Variants in CTNNA3 observed in about 807,000 individuals in gnomAD.
CTNNA3 encodes the protein catenin alpha-3.
Under a neutral mutation model 95.7 loss-of-function variants are expected in CTNNA3, and 76 were observed. The ratio of observed to expected loss-of-function variants is 0.79; its 90% CI spans 0.66 to 0.96. The LOEUF is 0.96. CTNNA3 is among the 40% of genes least tolerant of loss of function. CTNNA3 has a pLI of 0.00. For synonymous variants in CTNNA3, 431 were observed against 374.4 expected, an observed-to-expected ratio of 1.15 and a Z score of -1.74; for missense variants, 1,191 against 1,089.8, an observed-to-expected ratio of 1.09 and a Z score of -1.31.
intron 5 of CTNNA3, among the ~76,000 whole-genome samples, chr10:67,338,637 T>G (rs545572756): frequency 6.6e-6 from 1 of 152,288 alleles, no homozygotes; most frequent in Non-Finnish European, 1.5e-5. Context: ...TATCTTAAAA[T>G]AGTTGTGCAA....
rs370400175 is a variant in CTNNA3, at chr10:67,555,869, C to T, written c.293-16200G>A. ...GGAATGCTTCCAGTTTTTGCCCATT[C>T]AGTATGATATTGGCTGTGGGTTTTC... is the stretch of plus-strand genomic sequence containing the variant. On this transcript the variant is annotated intron_variant, in intron 3 of 17. Transcript: ENST00000433211. Among the ~76,000 whole-genome samples, 6 of 152,176 alleles carry T rather than the reference C, an allele frequency of 3.9e-5. No individual in the cohort carries two copies. The East Asian group carries it at 1.2e-3, about 29-fold the overall frequency.
At chr10:66,636,516 C>T (rs551305917) in intron 9 of CTNNA3, among the ~76,000 whole-genome samples, 3 of 151,954 alleles carry the variant, frequency 2.0e-5, no homozygotes, top group Non-Finnish European at 4.4e-5. Context: ...TTAGAGCAAA[C>T]CAACATATGA....
intron 5 of CTNNA3, among the ~76,000 whole-genome samples, chr10:67,347,885 A>G (rs1589196363): frequency 6.6e-6 from 1 of 151,700 alleles, no homozygotes; most frequent in African/African-American, 2.4e-5. Context: ...TCTCTTCCAC[A>G]TTCTGTGGCA....
At chr10:66,643,549 T>C (rs1435366198) in intron 9 of CTNNA3, among the ~76,000 whole-genome samples, 1 of 152,196 alleles carries the variant, frequency 6.6e-6, no homozygotes. Flanking sequence ...ACTATTCTGA[T>C]GAAATAGGTA....
At chr10:66,024,103 T>TTTTTTTTTTTTTTTTTTTTTTTTTG (rs2079285832) in intron 15 of CTNNA3, among the ~76,000 whole-genome samples, 1 of 145,202 alleles carries the variant, frequency 6.9e-6, no homozygotes, top group African/African-American at 2.6e-5. Context: ...TTTTTTTTTT[T>TTTTTTTTTTTTTTTTTTTTTTTTTG]TTTTGAGACG....
At chr10:67,066,413 G>A (rs1048248356) in intron 7 of CTNNA3, among the ~76,000 whole-genome samples, 12 of 151,564 alleles carry the variant, frequency 7.9e-5, no homozygotes, top group East Asian at 1.9e-4. Flanking sequence ...GGATGATCTC[G>A]ATCTCTTGAC....
At chr10:66,081,472 A>G (rs1228786075) in intron 14 of CTNNA3, among the ~76,000 whole-genome samples, 3 of 152,152 alleles carry the variant, frequency 2.0e-5, no homozygotes, top group Non-Finnish European at 4.4e-5. Flanking sequence ...ATAGGAAAAA[A>G]GTAAAATTTA....
intron 5 of CTNNA3, among the ~76,000 whole-genome samples, chr10:67,370,117 A>T (rs923792601): frequency 6.6e-6 from 1 of 152,190 alleles, no homozygotes; most frequent in Non-Finnish European, 1.5e-5. Context: ...GAAAATCATT[A>T]AAATGTCCAT....
At position 66,966,484 on chromosome 10, in the gene CTNNA3, TA is replaced by T. The variant is rs200353900; in HGVS notation, c.1048-190961del. Among the ~76,000 whole-genome samples, 93 of 76,216 alleles carry T rather than the reference TA, an allele frequency of 1.2e-3. 1 individual carries two copies. The highest frequency in any genetic ancestry group is 2.2e-3 in the Non-Finnish European group (59 of 26,798). 50.0% of individuals were successfully genotyped at this position (76,216 alleles called of 152,430 possible). A position where few individuals can be genotyped will look rare whatever the true frequency, so the allele number is the denominator to read the frequency against. ...GCTGGGTTAACTCGGCTATGTAATA[TA>T]TTTTTTTTTTCAGGATATACCTTTC... On this transcript the variant is annotated intron_variant, in intron 7 of 17. Coordinates refer to ENST00000433211, the MANE Select transcript of CTNNA3 (RefSeq NM_013266.4).
intron 12 of CTNNA3, among the ~76,000 whole-genome samples, chr10:66,326,711 G>C (rs568489471): frequency 5.9e-5 from 9 of 151,938 alleles, no homozygotes; most frequent in Non-Finnish European, 1.2e-4. Flanking sequence ...TGGGGGTAGC[G>C]GGAGATCAGA....
chr10:66,330,645 C>A (rs1417734373), intron 12 of CTNNA3, among the ~76,000 whole-genome samples: 1 of 152,076 alleles, frequency 6.6e-6, no homozygotes, highest in Non-Finnish European at 1.5e-5. Context: ...GGAATCACCA[C>A]GCTGACTTCC....
chr10:67,522,081 A>G (rs1195559962), intron 4 of CTNNA3, 120 bp from the exon 5 acceptor site: 1 of 906,186 alleles, frequency 1.1e-6, no homozygotes, highest in African/African-American at 1.7e-5. Flanking sequence ...ATACAGTGAT[A>G]ACAAATGCTA....
intron 14 of CTNNA3, among the ~76,000 whole-genome samples, chr10:66,088,523 GTGTGTGTGTA>G (rs2133681518): frequency 7.1e-6 from 1 of 140,578 alleles, no homozygotes; most frequent in Non-Finnish European, 1.6e-5. Context: ...GTGTGTGTGT[GTGTGTGTGTA>G]TACTGAGTGG....
intron 11 of CTNNA3, among the ~76,000 whole-genome samples, chr10:66,512,860 C>T (rs1226267117): frequency 6.6e-6 from 1 of 152,110 alleles, no homozygotes; most frequent in African/African-American, 2.4e-5. Flanking sequence ...TAAGTTTCTT[C>T]TGAGAAATCT....
At chr10:66,340,687 T>C (rs1318204891) in intron 12 of CTNNA3, among the ~76,000 whole-genome samples, 2 of 151,774 alleles carry the variant, frequency 1.3e-5, no homozygotes, top group Non-Finnish European at 3.0e-5. Context: ...AAATAATATC[T>C]CATATTTATC....
intron 5 of CTNNA3, among the ~76,000 whole-genome samples, chr10:67,520,796 C>T (rs1424865214): frequency 6.6e-6 from 1 of 151,986 alleles, no homozygotes; most frequent in Non-Finnish European, 1.5e-5. Context: ...TCTTTTTGGC[C>T]CAGTAATTCT....
chr10:66,659,198 A>T (rs1273346185), intron 9 of CTNNA3, among the ~76,000 whole-genome samples: 1 of 151,854 alleles, frequency 6.6e-6, no homozygotes, highest in Non-Finnish European at 1.5e-5. Flanking sequence ...ACACACACAC[A>T]CACACACACA....
chr10:67,266,936 T>G (rs1866851473), intron 5 of CTNNA3, among the ~76,000 whole-genome samples: 1 of 152,198 alleles, frequency 6.6e-6, no homozygotes, highest in South Asian at 2.1e-4. Flanking sequence ...TGTAATACAA[T>G]TATGATTTAT....
intron 13 of CTNNA3, among the ~76,000 whole-genome samples, chr10:66,199,790 TATATATATATATATA>T (rs1214635261): frequency 1.8e-3 from 27 of 14,760 alleles, no homozygotes; most frequent in East Asian, 0.014. Flanking sequence ...TATATATATA[TATATATATATATATA>T]TTTTTTTTTT....
Sources: gnomAD v4.1 joint callset for allele counts (sites outside exome capture counted in the v4.1 genomes callset) on GRCh38, gnomAD v4.1.1 for gene constraint, MANE v1.5 for transcripts, NCBI Gene and HGNC (gene_info 2026-07-23, HGNC 2026-07-21) for gene names.